NRXN3: variants seen among roughly 807,000 people sequenced by gnomAD.
NRXN3 encodes neurexin III.
A neutral mutation model predicts 137.6 loss-of-function variants in NRXN3; 32 were observed. The observed-to-expected ratio is 0.23, with a 90% confidence interval of 0.18 to 0.31. NRXN3 has a LOEUF of 0.31. NRXN3 is among the 10% of genes least tolerant of loss of function. The probability of loss-of-function intolerance (pLI) is 1.00; values close to 1 mark genes in which losing one functional copy is unlikely to be tolerated. For missense variants in NRXN3, 1,574 were observed against 2,062.5 expected, an observed-to-expected ratio of 0.76 and a Z score of 4.59; for synonymous variants, 798 against 784.5, an observed-to-expected ratio of 1.02 and a Z score of -0.29.
intron 16 of NRXN3, among the ~76,000 whole-genome samples, chr14:79,533,291 T>TTG (rs2097185015): frequency 1.3e-5 from 2 of 152,206 alleles, no homozygotes; most frequent in African/African-American, 2.4e-5. Context: ...GCCTGGGCTC[T>TTG]TAAACAGTGG....
At chr14:78,842,658 G>A (rs1432780894) in intron 10 of NRXN3, among the ~76,000 whole-genome samples, 2 of 152,100 alleles carry the variant, frequency 1.3e-5, no homozygotes, top group African/African-American at 4.8e-5. Flanking sequence ...ATCCTAATAA[G>A]CCTGGGAGCA....
intron 16 of NRXN3, among the ~76,000 whole-genome samples, chr14:79,635,896 C>T (rs61527583): frequency 0.016 from 2,412 of 152,022 alleles, 73 homozygotes; most frequent in African/African-American, 0.055. Context: ...GGGGAAATGG[C>T]CCTTATGGAA....
chr14:78,967,464 A>T (rs1389637520), intron 13 of NRXN3, 66 bp downstream of exon 13: 13 of 1,181,982 alleles, frequency 1.1e-5, no homozygotes, highest in Non-Finnish European at 1.6e-5. Flanking sequence ...CTATTTCCAG[A>T]GGCAAACCAC....
At chr14:78,595,195 A>T (rs1478238971) in intron 4 of NRXN3, among the ~76,000 whole-genome samples, 2 of 152,240 alleles carry the variant, frequency 1.3e-5, no homozygotes, top group Admixed American at 1.3e-4. Flanking sequence ...TTTAGCTGAG[A>T]CATCAGTGAA....
chr14:78,494,421 G>GTTTTTTTTTTTTTT (rs139596761), intron 4 of NRXN3, among the ~76,000 whole-genome samples: 5 of 132,484 alleles, frequency 3.8e-5, no homozygotes, highest in South Asian at 2.5e-4. Context: ...TACCAGAGGT[G>GTTTTTTTTTTTTTT]TTTTGTTTTT....
chr14:78,286,066 A>G (rs2075136290), intron 3 of NRXN3, among the ~76,000 whole-genome samples: 1 of 152,036 alleles, frequency 6.6e-6, no homozygotes. Flanking sequence ...GCCGTTAGAA[A>G]TCCCTCCTTT....
intron 4 of NRXN3, among the ~76,000 whole-genome samples, chr14:78,464,742 T>A (rs985461697): frequency 1.3e-5 from 2 of 152,232 alleles, no homozygotes; most frequent in African/African-American, 4.8e-5. Flanking sequence ...GCTTCAATTC[T>A]TGGCTCTTCT....
intron 15 of NRXN3, among the ~76,000 whole-genome samples, chr14:79,090,034 A>G (rs920706024): frequency 2.0e-5 from 3 of 152,206 alleles, no homozygotes; most frequent in African/African-American, 7.2e-5. Context: ...TTGGATTGCT[A>G]TAAAAATAGA....
chr14:79,144,186 C>A (rs1281029637), intron 15 of NRXN3, among the ~76,000 whole-genome samples: 4 of 152,138 alleles, frequency 2.6e-5, no homozygotes, highest in Non-Finnish European at 4.4e-5. Flanking sequence ...CGTATTTGGA[C>A]AACATAGAAA....
At chr14:78,232,741 G>C (rs1475944322) in intron 1 of NRXN3, among the ~76,000 whole-genome samples, 1 of 152,098 alleles carries the variant, frequency 6.6e-6, no homozygotes, top group East Asian at 1.9e-4. Flanking sequence ...GGTCCCAAGA[G>C]GGGAGGATCT....
chr14:78,832,992 G>A (rs192291982), intron 10 of NRXN3, among the ~76,000 whole-genome samples: 368 of 152,270 alleles, frequency 2.4e-3, no homozygotes, highest in Non-Finnish European at 3.7e-3. Flanking sequence ...TCTTTCCGGG[G>A]AAGACATAAG....
chr14:79,386,318 A>G (rs1354226670), intron 15 of NRXN3, among the ~76,000 whole-genome samples: 1 of 152,178 alleles, frequency 6.6e-6, no homozygotes, highest in African/African-American at 2.4e-5. Flanking sequence ...TAACAGACAA[A>G]CAGAGAGCCA....
chr14:78,341,510 A>G (rs2082144437), intron 4 of NRXN3, among the ~76,000 whole-genome samples: 1 of 152,188 alleles, frequency 6.6e-6, no homozygotes, highest in Admixed American at 6.6e-5. Context: ...GACAATATGT[A>G]AAAAATGAGC....
At chr14:79,395,487 T>TGTGGA (rs1387979074) in intron 15 of NRXN3, among the ~76,000 whole-genome samples, 1 of 152,056 alleles carries the variant, frequency 6.6e-6, no homozygotes, top group Non-Finnish European at 1.5e-5. Flanking sequence ...ATGTTGCATA[T>TGTGGA]GTGGAGTGTG....
At chr14:78,439,048 G>A (rs2094159320) in intron 4 of NRXN3, among the ~76,000 whole-genome samples, 2 of 152,088 alleles carry the variant, frequency 1.3e-5, no homozygotes, top group Admixed American at 6.5e-5. Context: ...GAATGTGAAG[G>A]TCACTTGCTT....
At chr14:78,633,067 C>T (rs992926783) in intron 4 of NRXN3, among the ~76,000 whole-genome samples, 4 of 150,868 alleles carry the variant, frequency 2.7e-5, no homozygotes, top group African/African-American at 9.7e-5. Context: ...AACCCCATCT[C>T]TACTAAAAAT....
chr14:79,112,477 A>C (rs945509477), intron 15 of NRXN3, among the ~76,000 whole-genome samples: 9 of 152,222 alleles, frequency 5.9e-5, no homozygotes, highest in African/African-American at 1.9e-4. Flanking sequence ...TTGTTGGCAG[A>C]GTTCTTTGTT....
chr14:79,473,788 AGG>A (rs1318765309), intron 16 of NRXN3, among the ~76,000 whole-genome samples: 224 of 95,094 alleles, frequency 2.4e-3, no homozygotes, highest in Non-Finnish European at 4.8e-3. Flanking sequence ...TTCTGAGCTT[AGG>A]AGTTTTTCCA....
Position 78,255,145 on chromosome 14 carries a change from A to G in NRXN3, c.709+11343A>G, listed in dbSNP as rs572897037. ...GGCCGTCAGCCATCTCCCCATTGAC[A>G]GTCATTTACCTGACACAGCAGCAGA... On this transcript the variant is annotated intron_variant, in intron 2 of 20. Transcript: ENST00000335750. Among the ~76,000 whole-genome samples, 3 of 148,410 alleles carry G rather than the reference A, an allele frequency of 2.0e-5. No individual in the cohort carries two copies. The East Asian group carries it at 6.1e-4, about 30-fold the overall frequency.
Sources: allele counts gnomAD v4.1 joint callset (sites outside exome capture counted in the v4.1 genomes callset), GRCh38; gene constraint gnomAD v4.1.1; transcripts MANE v1.5; gene names NCBI Gene and HGNC (gene_info 2026-07-23, HGNC 2026-07-21).